The following CA10 variants were observed in gnomAD, a reference collection of about 807,000 sequenced individuals.
CA10 encodes carbonic anhydrase 10 (inactive), also known as carbonic anhydrase-related protein 10.
A neutral mutation model predicts 44.2 loss-of-function variants in CA10; 14 were observed. The observed-to-expected ratio is 0.32, with a 90% CI of 0.21 to 0.50. The LOEUF (loss-of-function observed/expected upper bound fraction) is 0.50, where lower values mean the gene tolerates loss of function less well. Ranked by LOEUF, CA10 falls within the 20% of genes least tolerant of loss-of-function variation. The pLI, the probability that CA10 is intolerant of heterozygous loss-of-function variation, is 0.99. For missense variants in CA10, 350 were observed against 409.7 expected (o/e 0.85, Z 1.26); for synonymous variants, 159 against 141.6 (o/e 1.12, Z -0.87).
At chr17:51,901,135 T>C (rs1460634026) in intron 3 of CA10, among the ~76,000 whole-genome samples, 1 of 152,182 alleles carries the variant, frequency 6.6e-6, no homozygotes, top group African/African-American at 2.4e-5. Context: ...CTTATCTGTA[T>C]GGGCTGATGT....
At chr17:52,070,106 C>T (rs1490832634) in intron 2 of CA10, among the ~76,000 whole-genome samples, 1 of 152,178 alleles carries the variant, frequency 6.6e-6, no homozygotes, top group African/African-American at 2.4e-5. Context: ...TCCTTTTCAA[C>T]AGAGTTGGAG....
intron 3 of CA10, among the ~76,000 whole-genome samples, chr17:51,796,422 C>G (rs1236845369): frequency 4.6e-5 from 7 of 152,158 alleles, no homozygotes; most frequent in Admixed American, 4.6e-4. Flanking sequence ...AGTGTCCTGT[C>G]TGCACTGTCC....
intron 3 of CA10, among the ~76,000 whole-genome samples, chr17:51,898,897 G>C (rs1011316466): frequency 6.6e-6 from 1 of 151,482 alleles, no homozygotes; most frequent in Non-Finnish European, 1.5e-5. Context: ...CAGTGGTAAC[G>C]TCCCCTTTGC....
At chr17:51,836,921 T>C (rs202134) in intron 3 of CA10, among the ~76,000 whole-genome samples, 111,319 of 151,954 alleles carry the variant, frequency 0.73, 41,070 homozygotes, top group Middle Eastern at 0.8. Flanking sequence ...TACTTACCTC[T>C]TTCCATTGGA....
intron 2 of CA10, among the ~76,000 whole-genome samples, chr17:52,014,955 C>A (rs759391409): frequency 6.6e-6 from 1 of 151,798 alleles, no homozygotes; most frequent in Non-Finnish European, 1.5e-5. Flanking sequence ...CAATATAATC[C>A]TTAAGATCAA....
intron 3 of CA10, among the ~76,000 whole-genome samples, chr17:51,751,816 T>C (rs1221280119): frequency 2.0e-5 from 3 of 152,192 alleles, no homozygotes; most frequent in Non-Finnish European, 4.4e-5. Context: ...GCCTTCTAGT[T>C]CTTCGATCTC....
chr17:51,999,652 G>A (rs546051923), intron 2 of CA10, among the ~76,000 whole-genome samples: 1 of 152,148 alleles, frequency 6.6e-6, no homozygotes, highest in African/African-American at 2.4e-5. Context: ...TCTTCCTGCA[G>A]ATCATTCCAT....
chr17:51,733,290 T>G (rs1020156197), intron 4 of CA10, among the ~76,000 whole-genome samples: 1 of 152,210 alleles, frequency 6.6e-6, no homozygotes, highest in African/African-American at 2.4e-5. Flanking sequence ...GGGAATTAGA[T>G]GAATTAAAGC....
Position 51,955,909 on chromosome 17 carries a change from G to A in CA10, c.137-24777C>T, listed in dbSNP as rs139636208. ...CTTAAAACCTAGATGACGGATTGAC[G>A]GATGCAGCAAACCACCATGGCACGT... On this transcript the variant is annotated intron_variant, in intron 2 of 8. Transcript: ENST00000451037. 3.6e-3 allele frequency among the ~76,000 whole-genome samples: 541 copies of A among 152,070 alleles called. 2 individuals carry two copies. Among genetic ancestry groups the A allele is most frequent in the African/African-American group, 0.012 (511 of 41,492 alleles).
intron 3 of CA10, among the ~76,000 whole-genome samples, chr17:51,899,845 T>C (rs997825042): frequency 6.6e-6 from 1 of 151,842 alleles, no homozygotes; most frequent in African/African-American, 2.4e-5. Flanking sequence ...GTCTACTTTG[T>C]CTGAAATTAA....
chr17:51,916,110 C>A (rs540463062), intron 3 of CA10, among the ~76,000 whole-genome samples: 1 of 145,904 alleles, frequency 6.9e-6, no homozygotes, highest in East Asian at 2.1e-4. Context: ...TTCCAGCATG[C>A]ATTCACATTG....
chr17:51,689,900 A>G (rs1438045659), intron 4 of CA10, among the ~76,000 whole-genome samples: 1 of 151,970 alleles, frequency 6.6e-6, no homozygotes, highest in African/African-American at 2.4e-5. Context: ...TAACATATGC[A>G]TTACTTTGTA....
chr17:51,722,075 C>T (rs1036525277), intron 4 of CA10, among the ~76,000 whole-genome samples: 6 of 152,048 alleles, frequency 3.9e-5, no homozygotes, highest in African/African-American at 7.2e-5. Context: ...TTAACTCTTG[C>T]GATCTGATGT....
Position 51,821,018 on chromosome 17 carries a change from T to C in CA10, c.280-73200A>G, listed in dbSNP as rs929833670. Among the ~76,000 whole-genome samples the C allele has an allele frequency of 4.9e-4, 56 of 114,124 alleles. 2 individuals carry two copies. In the East Asian group the frequency reaches 0.013, roughly 25 times the overall value. The allele number at this position is 114,124 out of a possible 152,430, so 74.9% of individuals were successfully genotyped here. ...CAAAGATCCATGCTCCCTCCCTCCC[T>C]TAATTCCTCCCTCCCTCCCTCCCTC... On this transcript the variant is annotated intron_variant, in intron 3 of 8. Coordinates refer to ENST00000451037, the MANE Select transcript of CA10 (RefSeq NM_020178.5).
intron 4 of CA10, among the ~76,000 whole-genome samples, chr17:51,744,958 G>T (rs1332195950): frequency 2.6e-5 from 4 of 152,212 alleles, no homozygotes; most frequent in Non-Finnish European, 2.9e-5. Context: ...GAGAGGCTTG[G>T]AAAGAAATGT....
chr17:51,646,505 G>A (rs1189714605), intron 6 of CA10, among the ~76,000 whole-genome samples: 1 of 152,074 alleles, frequency 6.6e-6, no homozygotes, highest in Non-Finnish European at 1.5e-5. Context: ...GTGGGGGGTT[G>A]ATTTCTGTCT....
At chr17:52,059,636 C>T (rs1302361929) in intron 2 of CA10, among the ~76,000 whole-genome samples, 1 of 151,230 alleles carries the variant, frequency 6.6e-6, no homozygotes, top group African/African-American at 2.4e-5. Flanking sequence ...CAAAACTGCA[C>T]ATTGTGCACA....
At chr17:51,816,610 T>C (rs1481335085) in intron 3 of CA10, among the ~76,000 whole-genome samples, 1 of 152,242 alleles carries the variant, frequency 6.6e-6, no homozygotes, top group Non-Finnish European at 1.5e-5. Context: ...CAACTAATTT[T>C]CTAATACAAA....
intron 4 of CA10, among the ~76,000 whole-genome samples, chr17:51,709,871 G>C (rs1027310720): frequency 2.0e-5 from 3 of 152,174 alleles, no homozygotes; most frequent in Admixed American, 6.5e-5. Context: ...TCCTTGCTGC[G>C]TGCAGTGGCA....
Sources: gnomAD v4.1 joint callset for allele counts (sites outside exome capture counted in the v4.1 genomes callset) on GRCh38, gnomAD v4.1.1 for gene constraint, MANE v1.5 for transcripts, NCBI Gene and HGNC (gene_info 2026-07-23, HGNC 2026-07-21) for gene names.